The following KIRREL3 variants were observed in gnomAD, a reference collection of about 807,000 sequenced individuals.
The protein encoded by KIRREL3 is kin of IRRE-like protein 3.
In KIRREL3, 36 loss-of-function variants were observed where a neutral mutation model predicts 89.7. The observed-to-expected ratio is 0.40, with a 90% confidence interval of 0.31 to 0.53. The LOEUF (loss-of-function observed/expected upper bound fraction) is 0.53. Among genes scored for constraint, KIRREL3 ranks in the 20% least tolerant of loss-of-function variants. The pLI is 0.49. For synonymous variants in KIRREL3, 445 were observed against 441.4 expected (o/e 1.01, Z -0.10); for missense variants, 864 against 1,056.6 (o/e 0.82, Z 2.53).
At position 126,989,155 on chromosome 11, in the gene KIRREL3, TG is replaced by T. The variant is rs1479811638; in HGVS notation, c.55+11299del. Among the ~76,000 whole-genome samples, 2 of 152,224 alleles carry T rather than the reference TG, an allele frequency of 1.3e-5. No homozygotes were observed. Among genetic ancestry groups the T allele is most frequent in the African/African-American group, 4.8e-5 (2 of 41,456 alleles). On this transcript the variant is annotated intron_variant, in intron 1 of 16. Transcript: ENST00000525144. The surrounding 1 kb of genome is among the most constrained non-coding windows in gnomAD (Gnocchi z 6.2). ...AGCTCTATGTTTCCTCTTCTACCCT[TG>T]TAGCATCAACTCTGCAGTTTGAAGT...
Position 126,764,499 on chromosome 11 carries a change from C to T in KIRREL3, c.56-201587G>A, listed in dbSNP as rs770728369. On this transcript the variant is annotated intron_variant, in intron 1 of 16. Transcript: ENST00000525144. The surrounding 1 kb of genome is among the most constrained non-coding windows in gnomAD (Gnocchi z 4.2). The stretch of plus-strand genomic sequence containing the variant: ...AGCAGTGAGGATCTTTCATCATATG[C>T]GCCTCTGATGCTCAACAACCTTCTT... Among the ~76,000 whole-genome samples, 3 of 152,236 alleles carry T rather than the reference C, an allele frequency of 2.0e-5. No individual in the cohort carries two copies. The highest frequency in any genetic ancestry group is 2.1e-4 in the South Asian group (1 of 4,824).
rs570442520 is a variant in KIRREL3, at chr11:126,844,839, AC to A, written c.55+155615del. On this transcript the variant is annotated intron_variant, in intron 1 of 16. Transcript: ENST00000525144. This position sits in a 1 kb window ranked among gnomAD's most constrained non-coding sequence, Gnocchi z 4.8. The stretch of plus-strand genomic sequence containing the variant: ...GCTTTTTCCTCCCTAAAAAAGGGAA[AC>A]TTGAGAGCCAACAGGTCTGCTGGAA... Among the ~76,000 whole-genome samples, 145 of 152,286 alleles carry A rather than the reference AC, an allele frequency of 9.5e-4. 2 individuals are homozygous for A. Among genetic ancestry groups the A allele is most frequent in the African/African-American group, 3.1e-3 (127 of 41,562 alleles).
At chr11:126,866,172 C>T (rs1166922299) in intron 1 of KIRREL3, among the ~76,000 whole-genome samples, 3 of 152,156 alleles carry the variant, frequency 2.0e-5, no homozygotes, top group Admixed American at 1.3e-4. Flanking sequence ...GGAGGGAGGC[C>T]GACTGGGTTT....
intron 1 of KIRREL3, among the ~76,000 whole-genome samples, chr11:126,863,484 TG>T (rs1282451801): frequency 7.8e-5 from 4 of 51,328 alleles, no homozygotes; most frequent in African/African-American, 1.7e-4. Context: ...AGTGCGTGTG[TG>T]AGTGCGTGTG....
rs1232700280 is a variant in KIRREL3 at position 126,475,708 on chromosome 11, T to G, written c.434-2242A>C. Among the ~76,000 whole-genome samples, 1 of 152,212 alleles carries G rather than the reference T, an allele frequency of 6.6e-6. No individual in the cohort carries two copies. Among genetic ancestry groups the G allele is most frequent in the African/African-American group, 2.4e-5 (1 of 41,468 alleles). On this transcript the variant is annotated intron_variant, in intron 4 of 16. Transcript: ENST00000525144. The surrounding 1 kb of genome is among the most constrained non-coding windows in gnomAD (Gnocchi z 7.5). ...AGCCGCCCACCCCACACCCTTTCAT[T>G]AGTGCCCATGGGCCTCCTTGGGGTG...
chr11:126,461,285 C>T (rs867288407), intron 6 of KIRREL3, among the ~76,000 whole-genome samples: 6 of 152,212 alleles, frequency 3.9e-5, no homozygotes, highest in South Asian at 2.1e-4. Context: ...CAGGAGGAGG[C>T]GGTGCTCAGA....
chr11:126,446,394 C>A (rs2134195122), intron 9 of KIRREL3, among the ~76,000 whole-genome samples: 1 of 150,130 alleles, frequency 6.7e-6, no homozygotes, highest in African/African-American at 2.4e-5. Flanking sequence ...TGGACTTAAA[C>A]TCTTGAGCTC....
In KIRREL3 at chr11:126,993,935, A is replaced by C. The variant is rs666246; in HGVS notation, c.55+6520T>G. Reference sequence around the variant, plus strand: ...AAGTTAAAAAGAAACTTGCAACAACAATCCACTGAATACAGGCCAAGTGAG... The same window carrying C: ...AAGTTAAAAAGAAACTTGCAACAACCATCCACTGAATACAGGCCAAGTGAG... On this transcript the variant is annotated intron_variant, in intron 1 of 16. Transcript: ENST00000525144. The surrounding 1 kb of genome is among the most constrained non-coding windows in gnomAD (Gnocchi z 6.1). Among the ~76,000 whole-genome samples, 50,578 of 152,130 alleles carry C rather than the reference A, an allele frequency of 0.33. 11,069 individuals carry two copies. The highest frequency in any genetic ancestry group is 0.61 in the African/African-American group (25,257 of 41,462).
At chr11:126,667,740 A>T (rs1945726949) in intron 1 of KIRREL3, among the ~76,000 whole-genome samples, 1 of 152,106 alleles carries the variant, frequency 6.6e-6, no homozygotes, top group East Asian at 1.9e-4. Context: ...ATTTTTGAGA[A>T]GTGTGTGTGT....
chr11:126,650,491 G>A (rs1294356791), intron 1 of KIRREL3, among the ~76,000 whole-genome samples: 2 of 152,022 alleles, frequency 1.3e-5, no homozygotes, highest in East Asian at 3.9e-4. Flanking sequence ...GATCATCTAT[G>A]TCAAGTTCAA....
intron 1 of KIRREL3, among the ~76,000 whole-genome samples, chr11:126,800,531 T>C (rs1002063027): frequency 6.6e-6 from 1 of 152,152 alleles, no homozygotes; most frequent in Non-Finnish European, 1.5e-5. Flanking sequence ...TGCAGTGAAA[T>C]ATCAGCAACC....
intron 1 of KIRREL3, among the ~76,000 whole-genome samples, chr11:126,902,308 G>A (rs1047399521): frequency 5.3e-5 from 8 of 152,194 alleles, no homozygotes; most frequent in South Asian, 4.1e-4. Flanking sequence ...ACACACTTTC[G>A]TGTCTTTGTT....
chr11:126,778,217 T>C lies in KIRREL3; in HGVS notation c.56-215305A>G, dbSNP rs997847228. 1.1e-4 allele frequency among the ~76,000 whole-genome samples: 16 copies of C among 152,224 alleles called. No homozygotes were observed. The highest frequency in any genetic ancestry group is 2.1e-4 in the Non-Finnish European group (14 of 68,046). Reference sequence around the variant, plus strand: ...ATTCACATGCACATATTTTTTCTTTTTAATTAAAATGGGATCATATTATAC... The same window carrying C: ...ATTCACATGCACATATTTTTTCTTTCTAATTAAAATGGGATCATATTATAC... On this transcript the variant is annotated intron_variant, in intron 1 of 16. Transcript: ENST00000525144. This position sits in a 1 kb window ranked among gnomAD's most constrained non-coding sequence, Gnocchi z 4.5.
intron 5 of KIRREL3, among the ~76,000 whole-genome samples, chr11:126,466,652 C>G (rs1956735398): frequency 6.6e-6 from 1 of 152,236 alleles, no homozygotes; most frequent in Admixed American, 6.5e-5. Context: ...TCACTTTTCT[C>G]ATATGCAAAT....
chr11:126,591,695 G>A (rs2134709132), intron 1 of KIRREL3, among the ~76,000 whole-genome samples: 1 of 152,282 alleles, frequency 6.6e-6, no homozygotes, highest in South Asian at 2.1e-4. Context: ...TGAGGAACAG[G>A]AGCACTATAA....
In KIRREL3 at chr11:126,568,045, C is replaced by T. The variant is rs919123687; in HGVS notation, c.56-5133G>A. ...CACCTGAAGCTAGTAGACTCGAGCA[C>T]GTCTCTGGAAGCCTATCAAACAAGA... On this transcript the variant is annotated intron_variant, in intron 1 of 16. Transcript: ENST00000525144. The surrounding 1 kb of genome is among the most constrained non-coding windows in gnomAD (Gnocchi z 4.6). 8.5e-5 allele frequency among the ~76,000 whole-genome samples: 13 copies of T among 152,068 alleles called. No individual in the cohort carries two copies. Among genetic ancestry groups the T allele is most frequent in the African/African-American group, 2.9e-4 (12 of 41,452 alleles).
At position 126,615,226 on chromosome 11, in the gene KIRREL3, G is replaced by A. The variant is rs754863812; in HGVS notation, c.56-52314C>T. ...CTTTTATGACAGTCTTCTCTACAAT[G>A]AGACGACATCTTTCTCATCTCTGTA... On this transcript the variant is annotated intron_variant, in intron 1 of 16. Transcript: ENST00000525144. This position sits in a 1 kb window ranked among gnomAD's most constrained non-coding sequence, Gnocchi z 5.4. 1.3e-5 allele frequency among the ~76,000 whole-genome samples: 2 copies of A among 152,144 alleles called. No homozygotes were observed. The highest frequency in any genetic ancestry group is 4.8e-5 in the African/African-American group (2 of 41,432).
At chr11:126,661,257 T>G (rs1945389583) in intron 1 of KIRREL3, among the ~76,000 whole-genome samples, 1 of 131,692 alleles carries the variant, frequency 7.6e-6, no homozygotes, top group African/African-American at 2.8e-5. Context: ...ATGCCTCATG[T>G]GAGTTTCTGT....
At position 126,441,455 on chromosome 11, in the gene KIRREL3, A is replaced by G. The variant is rs1020646043; in HGVS notation, c.1253-906T>C. On this transcript the variant is annotated intron_variant, in intron 10 of 16. Transcript: ENST00000525144. This position sits in a 1 kb window ranked among gnomAD's most constrained non-coding sequence, Gnocchi z 5.0. Reference sequence around the variant, plus strand: ...CCTGGCCGTGAAAGACAAAAGAAGGAGCAGCTAGCTTAGCCTGGGCTCTGC... The same window carrying G: ...CCTGGCCGTGAAAGACAAAAGAAGGGGCAGCTAGCTTAGCCTGGGCTCTGC... Among the ~76,000 whole-genome samples the G allele has an allele frequency of 1.3e-5, 2 of 152,208 alleles. No homozygotes were observed. The highest frequency in any genetic ancestry group is 2.9e-5 in the Non-Finnish European group (2 of 68,040).
Sources: allele counts gnomAD v4.1 joint callset (sites outside exome capture counted in the v4.1 genomes callset), GRCh38; gene constraint gnomAD v4.1.1; non-coding constraint Gnocchi (gnomAD v3.1); transcripts MANE v1.5; gene names NCBI Gene and HGNC (gene_info 2026-07-23, HGNC 2026-07-21).